The following FRMPD4 variants were observed in gnomAD, a reference collection of about 807,000 sequenced individuals.
FRMPD4 encodes FERM and PDZ domain-containing protein 4.
FRMPD4 carries 22 observed loss-of-function variants against 94.1 expected under a neutral mutation model. That is an observed-to-expected ratio of 0.23 (90% CI 0.17 to 0.33). The LOEUF is 0.33. Among genes scored for constraint, FRMPD4 ranks in the 10% least tolerant of loss-of-function variants. FRMPD4 has a pLI of 1.00. For synonymous variants in FRMPD4, 631 were observed against 548.6 expected (o/e 1.15, Z -2.10); for missense variants, 1,111 against 1,339.9 (o/e 0.83, Z 2.67).
chrX:12,416,441 G>A (rs776282864), intron 1 of FRMPD4, among the ~76,000 whole-genome samples: 1 of 112,019 alleles, frequency 8.9e-6, no homozygotes, highest in Non-Finnish European at 1.9e-5. Context: ...AACTTGTATG[G>A]TGTAGCCTTT....
chrX:12,459,600 ATTTATCCATT>A (rs1274929711), intron 1 of FRMPD4, among the ~76,000 whole-genome samples: 2 of 111,375 alleles, frequency 1.8e-5, no homozygotes, highest in African/African-American at 6.5e-5. Context: ...ACATTTTGAG[ATTTATCCATT>A]TTTTGTACGT....
chrX:12,621,445 T>C (rs1334621471), intron 4 of FRMPD4, among the ~76,000 whole-genome samples: 1 of 104,051 alleles, frequency 9.6e-6, no homozygotes, highest in Non-Finnish European at 2.0e-5. Flanking sequence ...AATAATCACC[T>C]TAATGAAGCT....
intron 3 of FRMPD4, among the ~76,000 whole-genome samples, chrX:11,917,244 A>C (rs951711329): frequency 8.9e-6 from 1 of 112,259 alleles, no homozygotes; most frequent in Admixed American, 9.4e-5. Flanking sequence ...AAAATAACAG[A>C]TATTGATGAG....
chrX:12,457,186 G>A (rs1005723404), intron 1 of FRMPD4, among the ~76,000 whole-genome samples: 15 of 111,657 alleles, frequency 1.3e-4, no homozygotes, highest in African/African-American at 3.6e-4. Flanking sequence ...TGTCCCCTTC[G>A]TCAAAAGGAA....
chrX:11,883,358 A>G (rs1445705135), intron 3 of FRMPD4, among the ~76,000 whole-genome samples: 1 of 112,040 alleles, frequency 8.9e-6, no homozygotes, highest in African/African-American at 3.2e-5. Context: ...ATGTGTGAGG[A>G]GGGATGTATC....
At chrX:12,030,808 G>A (rs2054687340) in intron 3 of FRMPD4, among the ~76,000 whole-genome samples, 1 of 112,041 alleles carries the variant, frequency 8.9e-6, no homozygotes, top group Non-Finnish European at 1.9e-5. Context: ...TAAAGGCTAT[G>A]TTTTTGTGGT....
chrX:12,632,057 G>T (rs1228890456), intron 4 of FRMPD4, among the ~76,000 whole-genome samples: 2 of 111,414 alleles, frequency 1.8e-5, no homozygotes, highest in East Asian at 5.6e-4. Context: ...CTTTTGTGTG[G>T]AGTTATATTT....
chrX:12,332,131 A>ATTATATATAATTTATATT (rs1372894044), intron 1 of FRMPD4, among the ~76,000 whole-genome samples: 1 of 69,940 alleles, frequency 1.4e-5, no homozygotes, highest in Non-Finnish European at 2.7e-5. Flanking sequence ...TATTTTATAT[A>ATTATATATAATTTATATT]TTATATATAA....
chrX:12,629,417 A>T (rs1226379643), intron 4 of FRMPD4, among the ~76,000 whole-genome samples: 1 of 112,002 alleles, frequency 8.9e-6, no homozygotes, highest in Non-Finnish European at 1.9e-5. Flanking sequence ...GGGGGGTAGA[A>T]GTCAGAAAAA....
intron 7 of FRMPD4, 89 bp from the exon 8 acceptor site, chrX:12,690,106 C>A: frequency 1.5e-6 from 1 of 653,424 alleles, no homozygotes; most frequent in Non-Finnish European, 2.3e-6. Context: ...GATTGGCAGC[C>A]TACATGTGTA....
At chrX:12,463,539 C>G (rs56916570) in intron 1 of FRMPD4, among the ~76,000 whole-genome samples, 1 of 111,357 alleles carries the variant, frequency 9.0e-6, no homozygotes, top group African/African-American at 3.3e-5. Flanking sequence ...GCTGCTTCAT[C>G]TTAATTATCA....
At chrX:12,591,471 A>C (rs751656377) in intron 2 of FRMPD4, among the ~76,000 whole-genome samples, 1 of 111,769 alleles carries the variant, frequency 8.9e-6, no homozygotes, top group Non-Finnish European at 1.9e-5. Flanking sequence ...TCAAGAGTCA[A>C]CTGTACATCT....
Position 12,507,173 on chromosome X carries a change from C to A in FRMPD4, c.158+8377C>A, listed in dbSNP as rs374960382. 2.8e-4 allele frequency among the ~76,000 whole-genome samples: 32 copies of A among 112,503 alleles called. 2 individuals carry two copies. In the South Asian group the frequency reaches 0.011, roughly 40 times the overall value. On this transcript the variant is annotated intron_variant, in intron 2 of 16. Transcript: ENST00000675598. The stretch of plus-strand genomic sequence containing the variant: ...ATGATTGCTTTTAGCTGTTGACTCC[C>A]TCACAAAGCAATCCCCATGCCCTGT...
intron 2 of FRMPD4, among the ~76,000 whole-genome samples, chrX:11,870,336 A>G (rs1025570658): frequency 8.0e-5 from 9 of 112,007 alleles, no homozygotes; most frequent in African/African-American, 2.9e-4. Context: ...GTGGTGGGGT[A>G]AAGAGGTGAG....
intron 1 of FRMPD4, among the ~76,000 whole-genome samples, chrX:12,344,151 C>T (rs1032853957): frequency 1.4e-4 from 16 of 111,488 alleles, no homozygotes; most frequent in African/African-American, 4.9e-4. Context: ...CTGCTTTTGC[C>T]TAAGGCTCAC....
intron 1 of FRMPD4, among the ~76,000 whole-genome samples, chrX:12,328,488 A>G (rs1297623734): frequency 8.9e-6 from 1 of 112,037 alleles, no homozygotes; most frequent in Non-Finnish European, 1.9e-5. Flanking sequence ...TGAATTGCCA[A>G]CCTGCAGAGT....
chrX:12,165,008 A>G (rs1343102572), intron 1 of FRMPD4, among the ~76,000 whole-genome samples: 3 of 110,547 alleles, frequency 2.7e-5, no homozygotes, highest in African/African-American at 9.9e-5. Context: ...TTGTCTGTTC[A>G]CTCTGATGGT....
rs767318145 is a variant in FRMPD4 at position 12,112,097 on chromosome X, G to T, written c.95+234079G>T. On this transcript the variant is annotated intron_variant, in intron 3 of 18. Transcript: ENST00000640291. The stretch of plus-strand genomic sequence containing the variant: ...TACCCAAAGGACTATAAATCATACC[G>T]CTATAAAGACACATGCACACGTATG... Among the ~76,000 whole-genome samples the T allele has an allele frequency of 8.3e-4, 93 of 111,765 alleles. 1 individual carries two copies. The highest frequency in any genetic ancestry group is 2.9e-3 in the African/African-American group (90 of 30,744).
Position 12,720,643 on chromosome X carries a change from G to C in FRMPD4, c.4074G>C (p.Lys1358Asn), listed in dbSNP as rs1602382691. ...LLPSNIHSES[K>N]VPIPNQDPND... Reference sequence around the variant, plus strand: ...CATCAAACATTCACTCGGAATCAAAGGTGCCAATTCCAAATCAAGACCCTA... The same window carrying C: ...CATCAAACATTCACTCGGAATCAAACGTGCCAATTCCAAATCAAGACCCTA... The change falls in exon 17 of 17, where the codon AAG becomes AAC. Residue 1358 changes from lysine (K) to asparagine (N), a missense_variant. Transcript: ENST00000675598. 3 of 1,172,918 alleles carry C rather than the reference G, an allele frequency of 2.6e-6. No homozygotes were observed. The East Asian group carries it at 9.0e-5, about 35-fold the overall frequency.
Sources: allele counts gnomAD v4.1 joint callset (sites outside exome capture counted in the v4.1 genomes callset), GRCh38; gene constraint gnomAD v4.1.1; transcripts MANE v1.5; gene names NCBI Gene and HGNC (gene_info 2026-07-23, HGNC 2026-07-21).